LRRC4C: variants seen among roughly 807,000 people sequenced by gnomAD.
LRRC4C encodes leucine-rich repeat-containing protein 4C.
Under a neutral mutation model 33.6 loss-of-function variants are expected in LRRC4C, and 5 were observed. That is an observed-to-expected ratio of 0.15 (90% confidence interval 0.08 to 0.31). The LOEUF (loss-of-function observed/expected upper bound fraction) is 0.31, where lower values mean the gene tolerates loss of function less well. Among genes scored for constraint, LRRC4C ranks in the 10% least tolerant of loss-of-function variants. The probability of loss-of-function intolerance (pLI) is 1.00; values close to 1 mark genes in which losing one functional copy is unlikely to be tolerated. For synonymous variants in LRRC4C, 329 were observed against 302.0 expected (o/e 1.09, Z -0.93); for missense variants, 560 against 796.7 (o/e 0.70, Z 3.58).
At chr11:40,796,712 C>T (rs553984044) in intron 2 of LRRC4C, among the ~76,000 whole-genome samples, 18 of 143,724 alleles carry the variant, frequency 1.3e-4, no homozygotes, top group African/African-American at 4.6e-4. Context: ...AATGGTGCGA[C>T]CTTGGCTCAC....
At chr11:40,692,429 G>A (rs549631771) in intron 2 of LRRC4C, among the ~76,000 whole-genome samples, 1 of 152,132 alleles carries the variant, frequency 6.6e-6, no homozygotes, top group South Asian at 2.1e-4. Flanking sequence ...TTGAAAAGTA[G>A]ACCTTTGTAG....
At chr11:40,247,166 A>G (rs2060857) in intron 4 of LRRC4C, among the ~76,000 whole-genome samples, 130,580 of 151,764 alleles carry the variant, frequency 0.86, 57,062 homozygotes, top group South Asian at 0.97. Context: ...CACCATGTCT[A>G]CTATCGGCAT....
At chr11:40,832,386 A>G (rs1004342418) in intron 2 of LRRC4C, among the ~76,000 whole-genome samples, 2 of 152,196 alleles carry the variant, frequency 1.3e-5, no homozygotes, top group Non-Finnish European at 2.9e-5. Context: ...CTTTTGCATT[A>G]TAATTAAACA....
intron 1 of LRRC4C, among the ~76,000 whole-genome samples, chr11:41,094,110 C>T (rs968761658): frequency 4.6e-5 from 7 of 150,620 alleles, no homozygotes; most frequent in South Asian, 4.2e-4. Context: ...AGCGAGACTC[C>T]GTATCGGGGG....
Position 40,648,192 on chromosome 11 carries a change from C to T in LRRC4C, c.-320G>A, listed in dbSNP as rs957584479. The T allele has an allele frequency of 1.3e-5, 2 of 152,172 alleles. No homozygotes were observed. Among genetic ancestry groups the T allele is most frequent in the African/African-American group, 4.8e-5 (2 of 41,432 alleles). The allele number at this position is 152,172 out of a possible 1,614,324, so 9.4% of individuals were successfully genotyped here. A position where few individuals can be genotyped will look rare whatever the true frequency, so the allele number is the denominator to read the frequency against. ...TTTCTCTGTTTGCAAAACTGGAACCCACTTAATTTATGGCGATTCCAAAGT... is the reference window on the plus strand; with the variant it reads ...TTTCTCTGTTTGCAAAACTGGAACCTACTTAATTTATGGCGATTCCAAAGT... On this transcript the variant is annotated 5_prime_UTR_variant, in exon 3 of 7. Coordinates refer to ENST00000528697, the MANE Select transcript of LRRC4C (RefSeq NM_001258419.2).
At chr11:40,923,078 G>C (rs1441497642) in intron 2 of LRRC4C, among the ~76,000 whole-genome samples, 1 of 152,146 alleles carries the variant, frequency 6.6e-6, no homozygotes, top group Non-Finnish European at 1.5e-5. Flanking sequence ...GCCCCCCTCA[G>C]CCTCCCAAAG....
intron 2 of LRRC4C, among the ~76,000 whole-genome samples, chr11:40,872,292 C>T (rs1954689252): frequency 6.7e-6 from 1 of 148,720 alleles, no homozygotes; most frequent in African/African-American, 2.4e-5. Context: ...CTGGCTCTCT[C>T]CTTAAAACTG....
intron 4 of LRRC4C, among the ~76,000 whole-genome samples, chr11:40,314,591 T>C (rs558196719): frequency 6.6e-6 from 1 of 152,254 alleles, no homozygotes; most frequent in Admixed American, 6.5e-5. Context: ...AAGAGACATC[T>C]ACATTCCCTT....
At chr11:41,443,960 C>T (rs1361261563) in intron 1 of LRRC4C, among the ~76,000 whole-genome samples, 1 of 151,990 alleles carries the variant, frequency 6.6e-6, no homozygotes, top group Admixed American at 6.6e-5. Context: ...CCTCTGTTCC[C>T]TGAGTATGTA....
chr11:40,336,710 C>T (rs554712244), intron 3 of LRRC4C, among the ~76,000 whole-genome samples: 2 of 152,186 alleles, frequency 1.3e-5, no homozygotes, highest in Admixed American at 1.3e-4. Context: ...GGCACGGTGG[C>T]TCACGCCTGT....
chr11:40,653,147 C>A (rs1942905895), intron 2 of LRRC4C, among the ~76,000 whole-genome samples: 1 of 152,030 alleles, frequency 6.6e-6, no homozygotes, highest in Admixed American at 6.6e-5. Context: ...TGAGAATGTA[C>A]TAATATAGTT....
intron 4 of LRRC4C, among the ~76,000 whole-genome samples, chr11:40,286,663 A>G (rs1943861817): frequency 6.6e-6 from 1 of 152,214 alleles, no homozygotes; most frequent in African/African-American, 2.4e-5. Flanking sequence ...AAAGTGGGCT[A>G]GCAATTATTG....
chr11:40,676,310 C>G (rs1383884157), intron 2 of LRRC4C, among the ~76,000 whole-genome samples: 1 of 152,094 alleles, frequency 6.6e-6, no homozygotes, highest in African/African-American at 2.4e-5. Flanking sequence ...AATACTTGTC[C>G]AATCCTTGTC....
chr11:40,274,713 AC>A (rs759250855), intron 4 of LRRC4C, among the ~76,000 whole-genome samples: 109 of 152,186 alleles, frequency 7.2e-4, no homozygotes, highest in Admixed American at 2.9e-3. Flanking sequence ...TAAAAAGAAT[AC>A]CAGAGAGCAT....
At chr11:41,326,411 A>C (rs1951119255) in intron 1 of LRRC4C, among the ~76,000 whole-genome samples, 1 of 152,078 alleles carries the variant, frequency 6.6e-6, no homozygotes. Flanking sequence ...CTCAGCTTGC[A>C]GACAGCCTAT....
chr11:40,532,789 T>C (rs1199289688), intron 3 of LRRC4C, among the ~76,000 whole-genome samples: 1 of 152,084 alleles, frequency 6.6e-6, no homozygotes, highest in Non-Finnish European at 1.5e-5. Context: ...TCTCTCACTG[T>C]TATAAAGAAA....
At chr11:41,107,797 G>A (rs1941594506) in intron 1 of LRRC4C, among the ~76,000 whole-genome samples, 1 of 152,044 alleles carries the variant, frequency 6.6e-6, no homozygotes, top group African/African-American at 2.4e-5. Context: ...AATTAGCCAT[G>A]TGTGTTGATG....
chr11:41,079,434 T>A (rs936381412), intron 1 of LRRC4C, among the ~76,000 whole-genome samples: 1 of 152,200 alleles, frequency 6.6e-6, no homozygotes, highest in African/African-American at 2.4e-5. Flanking sequence ...TTGTAAATAG[T>A]GTTGCTATAC....
At chr11:40,796,649 T>TTA (rs1554962548) in intron 2 of LRRC4C, among the ~76,000 whole-genome samples, 7 of 138,016 alleles carry the variant, frequency 5.1e-5, no homozygotes, top group African/African-American at 1.9e-4. Flanking sequence ...TTTTTTTTTT[T>TTA]TTTTTTTTTT....
Sources: allele counts gnomAD v4.1 joint callset (sites outside exome capture counted in the v4.1 genomes callset), GRCh38; gene constraint gnomAD v4.1.1; transcripts MANE v1.5; gene names NCBI Gene and HGNC (gene_info 2026-07-23, HGNC 2026-07-21).